The following GMDS variants were observed in gnomAD, a reference collection of about 807,000 sequenced individuals.
GMDS encodes the protein GDP-mannose 4,6 dehydratase.
GMDS carries 20 observed loss-of-function variants against 49.9 expected under a neutral mutation model. That is an observed-to-expected ratio of 0.40 (90% CI 0.28 to 0.58). The LOEUF (loss-of-function observed/expected upper bound fraction) is 0.58. Among genes scored for constraint, GMDS ranks in the 20% least tolerant of loss-of-function variants. The pLI, the probability that GMDS is intolerant of heterozygous loss-of-function variation, is 0.42. For missense variants in GMDS, 362 were observed against 481.4 expected, an observed-to-expected ratio of 0.75 and a Z score of 2.32; for synonymous variants, 177 against 178.6, an observed-to-expected ratio of 0.99 and a Z score of 0.07.
At position 2,245,353 on chromosome 6, in the gene GMDS, T is replaced by G. The variant is rs1264651580; in HGVS notation, c.70A>C (p.Asn24His). The stretch of plus-strand genomic sequence containing the variant: ...GTGATACCGGTGATGAGCGCCACGT[T>G]CCTGGGCTTGCCCATCTCGCCGTCC... ...SGDGEMGKPR[N>H]VALITGITGQ... The change falls in exon 1 of 11, where the codon AAC (asparagine) becomes CAC (histidine). Residue 24 changes from asparagine (N) to histidine (H), a missense_variant. Asn to His is a moderately conservative substitution (Grantham distance 68). Coordinates refer to ENST00000380815, the MANE Select transcript of GMDS (RefSeq NM_001500.4). 7.1e-6 allele frequency: 11 copies of G among 1,553,380 alleles called. No individual in the cohort carries two copies. The highest frequency in any genetic ancestry group is 2.0e-4 in the Middle Eastern group (1 of 5,020).
rs115889775 is a variant in GMDS, at chr6:2,155,665, G to A, written c.103-30934C>T. 5.7e-3 allele frequency among the ~76,000 whole-genome samples: 865 copies of A among 152,218 alleles called. 2 individuals are homozygous for A. The highest frequency in any genetic ancestry group is 0.017 in the Middle Eastern group (5 of 294). ...CAGGCACCACGTTCACAGGAGTTGCGTATTAATGGAGCACTCTGGGATACC... is the reference window on the plus strand; with the variant it reads ...CAGGCACCACGTTCACAGGAGTTGCATATTAATGGAGCACTCTGGGATACC... On this transcript the variant is annotated intron_variant, in intron 1 of 10. Transcript: ENST00000380815.
chr6:2,105,436 C>G (rs1187928678), intron 4 of GMDS, among the ~76,000 whole-genome samples: 2 of 152,050 alleles, frequency 1.3e-5, no homozygotes, highest in East Asian at 1.9e-4. Context: ...TAGGACTGAC[C>G]ATACTGGCTC....
chr6:2,022,252 A>G (rs532012802), intron 4 of GMDS, among the ~76,000 whole-genome samples: 2 of 145,384 alleles, frequency 1.4e-5, no homozygotes, highest in Non-Finnish European at 3.1e-5. Flanking sequence ...TAAAGCAAAT[A>G]TATCAGCCAG....
intron 6 of GMDS, among the ~76,000 whole-genome samples, chr6:1,945,628 C>A (rs370966110): frequency 6.6e-6 from 1 of 152,142 alleles, no homozygotes; most frequent in East Asian, 1.9e-4. Context: ...ATATTCTTCA[C>A]GCCTGGGGTC....
intron 9 of GMDS, among the ~76,000 whole-genome samples, chr6:1,705,233 G>A (rs74394817): frequency 0.014 from 2,145 of 152,320 alleles, 55 homozygotes; most frequent in African/African-American, 0.049. Context: ...TCAGAGTACA[G>A]GTGCACAGAG....
intron 5 of GMDS, 102 bp from the exon 6 acceptor site, chr6:1,960,073 G>A: frequency 6.7e-6 from 4 of 599,386 alleles, no homozygotes; most frequent in Non-Finnish European, 8.8e-6. Context: ...AACTTGTAAT[G>A]CATCCAAATA....
intron 4 of GMDS, among the ~76,000 whole-genome samples, chr6:2,086,807 G>A (rs80335210): frequency 7.6e-4 from 116 of 152,276 alleles, no homozygotes; most frequent in Admixed American, 1.8e-3. Context: ...GGGCTTTGAC[G>A]AAGAATGTTC....
chr6:1,945,855 T>A (rs1211127124), intron 6 of GMDS, among the ~76,000 whole-genome samples: 1 of 152,208 alleles, frequency 6.6e-6, no homozygotes, highest in Admixed American at 6.5e-5. Context: ...GTAAAACATG[T>A]AAACTACAAA....
chr6:1,960,334 C>T (rs997392324), intron 5 of GMDS, among the ~76,000 whole-genome samples: 2 of 151,372 alleles, frequency 1.3e-5, no homozygotes, highest in Admixed American at 6.6e-5. Flanking sequence ...TGAAGTCTTT[C>T]ATTAATATTC....
chr6:1,735,645 T>C (rs960165227), intron 8 of GMDS, among the ~76,000 whole-genome samples: 2 of 152,146 alleles, frequency 1.3e-5, no homozygotes, highest in Non-Finnish European at 2.9e-5. Context: ...CCTGCCTCCA[T>C]GCCTTTTCTC....
chr6:1,960,715 A>C (rs1044197267), intron 5 of GMDS, 59 bp downstream of exon 5: 11 of 1,115,896 alleles, frequency 9.9e-6, no homozygotes, highest in Non-Finnish European at 1.3e-5. Flanking sequence ...AAAAACACAC[A>C]CCCCCCACAC....
intron 4 of GMDS, among the ~76,000 whole-genome samples, chr6:2,022,447 A>G (rs1393249718): frequency 6.6e-6 from 1 of 152,218 alleles, no homozygotes. Flanking sequence ...AGAGGACCAT[A>G]GTGATGCTAC....
At chr6:2,116,201 T>C (rs943288511) in intron 3 of GMDS, among the ~76,000 whole-genome samples, 2 of 151,798 alleles carry the variant, frequency 1.3e-5, no homozygotes, top group African/African-American at 4.8e-5. Flanking sequence ...TCTGCAAGAA[T>C]GAGATTCAGA....
chr6:1,744,624 A>G (rs562490216), intron 7 of GMDS, among the ~76,000 whole-genome samples: 14 of 152,178 alleles, frequency 9.2e-5, no homozygotes, highest in Non-Finnish European at 1.8e-4. Flanking sequence ...TCTGAAGTAC[A>G]GCCCAGGCTC....
intron 7 of GMDS, among the ~76,000 whole-genome samples, chr6:1,821,438 C>T (rs547799024): frequency 2.6e-5 from 4 of 151,282 alleles, no homozygotes; most frequent in Admixed American, 6.6e-5. Flanking sequence ...CTGGGATGGG[C>T]GAGGATAAGG....
At position 2,124,735 on chromosome 6, in the gene GMDS, G is replaced by A. The variant is rs905061554; in HGVS notation, c.103-4C>T. 3.0e-5 allele frequency: 49 copies of A among 1,612,204 alleles called. No homozygotes were observed. Among genetic ancestry groups the A allele is most frequent in the Non-Finnish European group, 4.0e-5 (47 of 1,178,804 alleles). The stretch of plus-strand genomic sequence containing the variant: ...ACTCAGCCAGGTAGGAACCATCCTG[G>A]GGAGAAAGAAAAAATTGCAAAACGT... On this transcript the variant is annotated splice_polypyrimidine_tract_variant and splice_region_variant and intron_variant, in intron 1 of 10. Coordinates refer to ENST00000380815, the MANE Select transcript of GMDS (RefSeq NM_001500.4).
chr6:1,910,780 A>G (rs1761012184), intron 7 of GMDS, among the ~76,000 whole-genome samples: 1 of 152,210 alleles, frequency 6.6e-6, no homozygotes, highest in Non-Finnish European at 1.5e-5. Context: ...GATAAATTCC[A>G]CAAGTATATA....
At chr6:1,947,585 C>T (rs3800148) in intron 6 of GMDS, among the ~76,000 whole-genome samples, 58,635 of 152,054 alleles carry the variant, frequency 0.39, 12,463 homozygotes, top group Middle Eastern at 0.48. Context: ...GTTATCCTCA[C>T]GTACATCCTG....
chr6:1,648,599 C>T (rs1350528700), intron 9 of GMDS, among the ~76,000 whole-genome samples: 1 of 152,198 alleles, frequency 6.6e-6, no homozygotes, highest in Non-Finnish European at 1.5e-5. Flanking sequence ...TGAAGTCTTC[C>T]TCTGCACACA....
Sources: gnomAD v4.1 joint callset for allele counts (sites outside exome capture counted in the v4.1 genomes callset) on GRCh38, gnomAD v4.1.1 for gene constraint, MANE v1.5 for transcripts, NCBI Gene and HGNC (gene_info 2026-07-23, HGNC 2026-07-21) for gene names.